ABCA5: variants seen among roughly 807,000 people sequenced by gnomAD.
The protein encoded by ABCA5 is cholesterol transporter ABCA5.
In ABCA5, 163 loss-of-function variants were observed where a neutral mutation model predicts 206.0. The observed-to-expected ratio is 0.79, with a 90% CI of 0.70 to 0.90. ABCA5 has a LOEUF of 0.90. Ranked by LOEUF, ABCA5 falls within the 40% of genes least tolerant of loss-of-function variation. The pLI, the probability that ABCA5 is intolerant of heterozygous loss-of-function variation, is 0.00. For missense variants in ABCA5, 1,859 were observed against 1,912.9 expected, an observed-to-expected ratio of 0.97 and a Z score of 0.53; for synonymous variants, 609 against 613.8, an observed-to-expected ratio of 0.99 and a Z score of 0.11.
At chr17:69,274,742 T>C (rs1485414976) in intron 19 of ABCA5, among the ~76,000 whole-genome samples, 2 of 152,080 alleles carry the variant, frequency 1.3e-5, no homozygotes, top group East Asian at 3.8e-4. Flanking sequence ...TGTAAACACG[T>C]AGTTATAACT....
intron 1 of ABCA5, among the ~76,000 whole-genome samples, chr17:69,325,084 G>T (rs145462866): frequency 6.6e-6 from 1 of 150,724 alleles, no homozygotes; most frequent in South Asian, 2.1e-4. Context: ...TGGGAGGAAG[G>T]CTTGAGCCCA....
intron 6 of ABCA5, among the ~76,000 whole-genome samples, chr17:69,305,862 C>A (rs1237058473): frequency 6.6e-6 from 1 of 151,970 alleles, no homozygotes; most frequent in African/African-American, 2.4e-5. Context: ...CAGAGCAAGA[C>A]CCTGTCTCAA....
chr17:69,326,089 G>C lies in ABCA5; in HGVS notation c.-16+963C>G, dbSNP rs2075895183. Among the ~76,000 whole-genome samples, 1 of 152,098 alleles carries C rather than the reference G, an allele frequency of 6.6e-6. No homozygotes were observed. Among genetic ancestry groups the C allele is most frequent in the African/African-American group, 2.4e-5 (1 of 41,380 alleles). On this transcript the variant is annotated intron_variant, in intron 1 of 38. Coordinates refer to ENST00000392676, the MANE Select transcript of ABCA5 (RefSeq NM_172232.4). The surrounding 1 kb of genome is among the most constrained non-coding windows in gnomAD (Gnocchi z 4.8). ...ACAAAATATACTAAATAAAGCACCA[G>C]AATTAGGGTCTGGCAGCCCGGGTTG... is the stretch of plus-strand genomic sequence containing the variant.
intron 11 of ABCA5, among the ~76,000 whole-genome samples, chr17:69,294,258 C>T (rs1035091959): frequency 3.3e-5 from 5 of 152,170 alleles, no homozygotes. Flanking sequence ...CGCAGTGGCT[C>T]ATGCCTGTAA....
At chr17:69,251,977 A>T in intron 34 of ABCA5, 111 bp from the exon 35 acceptor site, 1 of 1,166,582 alleles carries the variant, frequency 8.6e-7, no homozygotes, top group East Asian at 2.6e-5. Flanking sequence ...AACTTACCAA[A>T]TATCAATTGC....
In ABCA5 at chr17:69,281,966, T is replaced by C. The variant is rs1306569926; in HGVS notation, c.2392+1987A>G. Among the ~76,000 whole-genome samples, 3 of 152,284 alleles carry C rather than the reference T, an allele frequency of 2.0e-5. No individual in the cohort carries two copies. The East Asian group carries it at 5.8e-4, about 29-fold the overall frequency. Reference sequence around the variant, plus strand: ...ACTAACATCCTGGTTTCCTTTGCTCTCCTCACCTGCCACTACAAACATTTT... The same window carrying C: ...ACTAACATCCTGGTTTCCTTTGCTCCCCTCACCTGCCACTACAAACATTTT... On this transcript the variant is annotated intron_variant, in intron 18 of 38. Transcript: ENST00000392676.
chr17:69,256,040 A>G (rs1464793466), intron 29 of ABCA5, 117 bp downstream of exon 29: 3 of 1,356,820 alleles, frequency 2.2e-6, no homozygotes, highest in African/African-American at 1.5e-5. Context: ...TTTTTCCAAG[A>G]AAGATTTTTT....
chr17:69,275,405 T>C (rs769212631), intron 19 of ABCA5, among the ~76,000 whole-genome samples: 2 of 152,166 alleles, frequency 1.3e-5, no homozygotes, highest in Non-Finnish European at 2.9e-5. Context: ...GCTTAGATTA[T>C]CATACTTCAG....
rs534436116 is a variant in ABCA5, at chr17:69,313,243, C to T, written c.156G>A (p.Met52Ile). Residue 52 changes from methionine (M) to isoleucine (I), a missense_variant, in exon 3 of 39, where the codon ATG becomes ATA. Physicochemically the swap from Met to Ile is conservative, Grantham distance 10 (BLOSUM62 1). Coordinates refer to ENST00000392676, the MANE Select transcript of ABCA5 (RefSeq NM_172232.4). ...CTTCTTCATATTTCTTATTTGGATGCATCATGCTAATTAATATTAACCAAA... is the reference window on the plus strand; with the variant it reads ...CTTCTTCATATTTCTTATTTGGATGTATCATGCTAATTAATATTAACCAAA... ...FLFWLILISM[M>I]HPNKKYEEVP... The T allele has an allele frequency of 9.3e-6, 14 of 1,509,962 alleles. No homozygotes were observed. The highest frequency in any genetic ancestry group is 1.3e-5 in the Non-Finnish European group (14 of 1,089,394). 93.5% of individuals were successfully genotyped at this position (1,509,962 alleles called of 1,614,324 possible).
intron 11 of ABCA5, 108 bp from the exon 12 acceptor site, chr17:69,291,434 ATATT>A (rs1307832556): frequency 1.6e-5 from 9 of 568,284 alleles, no homozygotes; most frequent in Admixed American, 3.5e-5. Context: ...CTATAAATAC[ATATT>A]TAAAGTTACC....
intron 11 of ABCA5, among the ~76,000 whole-genome samples, chr17:69,293,851 TGTGTGTGTGTGTGTGTGTGTGC>T (rs1371564296): frequency 8.0e-4 from 83 of 103,932 alleles, no homozygotes; most frequent in Non-Finnish European, 1.0e-3. Context: ...TGTGTGTGTG[TGTGTGTGTGTGTGTGTGTGTGC>T]GTGTGTGTGT....
chr17:69,308,487 C>A, intron 4 of ABCA5, 119 bp from the exon 5 acceptor site: 1 of 550,620 alleles, frequency 1.8e-6, no homozygotes, highest in Non-Finnish European at 3.2e-6. Flanking sequence ...TTTACAGGAC[C>A]AAAGAAATAA....
At chr17:69,299,908 A>G (rs927900111) in intron 9 of ABCA5, among the ~76,000 whole-genome samples, 2 of 152,176 alleles carry the variant, frequency 1.3e-5, no homozygotes, top group Non-Finnish European at 2.9e-5. Flanking sequence ...GTATGTAACT[A>G]GATGAGAGAT....
In ABCA5 at chr17:69,285,908, G is replaced by C. The variant is rs1450301398; in HGVS notation, c.2262C>G (p.Asp754Glu). ...TAAAGTAAGTAATACCTGAAAATTT[G>C]TCCATGTCCTTGAAAGGCAAGCTAT... ...LVYSLPFKDM[D>E]KFSGLFSALD... Residue 754 changes from aspartate to glutamate, a missense_variant, in exon 17 of 39, where the codon GAC becomes GAG. Transcript: ENST00000392676. 5.6e-6 allele frequency: 9 copies of C among 1,611,472 alleles called. No homozygotes were observed. The highest frequency in any genetic ancestry group is 1.7e-5 in the Admixed American group (1 of 59,612).
chr17:69,318,767 T>A, intron 1 of ABCA5: 1 of 673,266 alleles, frequency 1.5e-6, no homozygotes, highest in Non-Finnish European at 2.8e-6. Flanking sequence ...TTGAAAAAAT[T>A]GATGGACAAA....
chr17:69,247,792 T>C (rs2074968344), intron 38 of ABCA5, 148 bp from the exon 39 acceptor site: 3 of 461,806 alleles, frequency 6.5e-6, no homozygotes, highest in Admixed American at 8.0e-5. Context: ...TTCAAACAGA[T>C]TATTTTCAAA....
At chr17:69,321,691 T>G (rs2075866679) in intron 1 of ABCA5, among the ~76,000 whole-genome samples, 1 of 152,094 alleles carries the variant, frequency 6.6e-6, no homozygotes, top group African/African-American at 2.4e-5. Context: ...TGAAATACTT[T>G]AAAACACTCT....
intron 23 of ABCA5, among the ~76,000 whole-genome samples, chr17:69,265,349 G>A (rs1318609877): frequency 2.6e-5 from 4 of 152,160 alleles, no homozygotes; most frequent in Non-Finnish European, 4.4e-5. Context: ...AAATTGCCAA[G>A]TATCCTTTGG....
intron 35 of ABCA5, chr17:69,251,488 C>A: frequency 5.1e-6 from 2 of 394,818 alleles, no homozygotes; most frequent in Non-Finnish European, 8.8e-6. Flanking sequence ...CAATATATAA[C>A]AATTTTTTGA....
Sources: gnomAD v4.1 joint callset for allele counts (sites outside exome capture counted in the v4.1 genomes callset) on GRCh38, gnomAD v4.1.1 for gene constraint, Gnocchi (gnomAD v3.1) non-coding constraint, MANE v1.5 for transcripts, NCBI Gene and HGNC (gene_info 2026-07-23, HGNC 2026-07-21) for gene names.